The following CREG2 variants were observed in gnomAD, a reference collection of about 807,000 sequenced individuals.
CREG2 encodes the protein cellular repressor of E1A stimulated genes 2.
Under a neutral mutation model 26.2 loss-of-function variants are expected in CREG2, and 24 were observed. That is an observed-to-expected ratio of 0.92 (90% CI 0.66 to 1.29). The LOEUF is 1.29. Ranked by LOEUF, CREG2 falls within the 50% of genes most tolerant of loss-of-function variation. The pLI is 0.00. For missense variants in CREG2, 366 were observed against 398.6 expected, an observed-to-expected ratio of 0.92 and a Z score of 0.70; for synonymous variants, 174 against 169.2, an observed-to-expected ratio of 1.03 and a Z score of -0.22.
chr2:101,373,280 A>G (rs1319425452), intron 2 of CREG2, among the ~76,000 whole-genome samples: 1 of 152,252 alleles, frequency 6.6e-6, no homozygotes, highest in Non-Finnish European at 1.5e-5. Flanking sequence ...ATGGAATATT[A>G]CTCAGCCATA....
At chr2:101,379,394 A>G (rs1684836549) in intron 2 of CREG2, among the ~76,000 whole-genome samples, 1 of 152,206 alleles carries the variant, frequency 6.6e-6, no homozygotes, top group South Asian at 2.1e-4. Flanking sequence ...TTCTCAAGAT[A>G]TTGGCTTCTC....
rs72988786 is a variant in CREG2 at position 101,365,441 on chromosome 2, A to G, written c.612-10075T>C. 3.8e-3 allele frequency among the ~76,000 whole-genome samples: 572 copies of G among 152,286 alleles called. 4 individuals carry two copies. Among genetic ancestry groups the G allele is most frequent in the African/African-American group, 0.012 (492 of 41,548 alleles). ...CATCCTCCTAGGGATGCTATCCACA[A>G]TAGTTCCCTGATTCATCATCACAGG... On this transcript the variant is annotated intron_variant, in intron 2 of 3. Transcript: ENST00000324768.
intron 2 of CREG2, among the ~76,000 whole-genome samples, chr2:101,371,549 C>G (rs775819713): frequency 6.6e-6 from 1 of 152,204 alleles, no homozygotes; most frequent in Non-Finnish European, 1.5e-5. Flanking sequence ...ATTCTCAGCC[C>G]CTCAGCCTCC....
rs574867680 is a variant in CREG2, at chr2:101,351,989, G to A, written c.726-919C>T. Reference sequence around the variant, plus strand: ...CAGCCTCGATCTCCTGGGCTCAAGCGATCCTCCTGCCTCAGCCTCATGAGT... The same window carrying A: ...CAGCCTCGATCTCCTGGGCTCAAGCAATCCTCCTGCCTCAGCCTCATGAGT... On this transcript the variant is annotated intron_variant, in intron 3 of 3. Coordinates refer to ENST00000324768, the MANE Select transcript of CREG2 (RefSeq NM_153836.4). 8.2e-4 allele frequency among the ~76,000 whole-genome samples: 124 copies of A among 151,960 alleles called. 1 individual carries two copies. Among genetic ancestry groups the A allele is most frequent in the African/African-American group, 2.9e-3 (119 of 41,446 alleles).
intron 2 of CREG2, among the ~76,000 whole-genome samples, chr2:101,376,385 C>T (rs892263538): frequency 6.6e-6 from 1 of 151,930 alleles, no homozygotes; most frequent in Non-Finnish European, 1.5e-5. Flanking sequence ...TCAAGCGATT[C>T]TCATGCCTCA....
chr2:101,361,247 CT>C (rs1684535341), intron 2 of CREG2, among the ~76,000 whole-genome samples: 1 of 152,244 alleles, frequency 6.6e-6, no homozygotes. Flanking sequence ...CTTGGTATCA[CT>C]TCCTTCTACA....
chr2:101,368,985 G>A (rs1248414605), intron 2 of CREG2, among the ~76,000 whole-genome samples: 3 of 152,234 alleles, frequency 2.0e-5, no homozygotes, highest in African/African-American at 7.2e-5. Context: ...ACTGGGACCA[G>A]GATAAAGACA....
At chr2:101,372,139 C>G (rs1222938433) in intron 2 of CREG2, among the ~76,000 whole-genome samples, 1 of 151,954 alleles carries the variant, frequency 6.6e-6, no homozygotes, top group African/African-American at 2.4e-5. Context: ...ACTCAGCTCC[C>G]CTATTGTGGA....
Position 101,387,413 on chromosome 2 carries a change from G to T in CREG2, c.45C>A (p.Arg15=). Residue 15 remains arginine (R), a synonymous_variant, in exon 1 of 4, where the codon CGC becomes CGA. Transcript: ENST00000324768. This position sits in a 1 kb window ranked among gnomAD's most constrained non-coding sequence, Gnocchi z 4.7. ...RGRRPARPGT[R]LSWLLCCSAL... Reference sequence around the variant, plus strand: ...CGCTGCAGCACAGCAGCCAGGAGAGGCGGGTCCCCGGCCGCGCCGGCCGCC... The same window carrying T: ...CGCTGCAGCACAGCAGCCAGGAGAGTCGGGTCCCCGGCCGCGCCGGCCGCC... 7.6e-7 allele frequency: 1 copy of T among 1,311,348 alleles called. No homozygotes were observed. The highest frequency in any genetic ancestry group is 9.8e-7 in the Non-Finnish European group (1 of 1,023,430). The allele number at this position is 1,311,348 out of a possible 1,614,324, so 81.2% of individuals were successfully genotyped here. A position where few individuals can be genotyped will look rare whatever the true frequency, so the allele number is the denominator to read the frequency against.
chr2:101,370,605 G>C (rs1433404419), intron 2 of CREG2, among the ~76,000 whole-genome samples: 2 of 152,202 alleles, frequency 1.3e-5, no homozygotes, highest in African/African-American at 4.8e-5. Flanking sequence ...TGGATCAGGA[G>C]TACTCTGGCT....
chr2:101,375,938 T>A (rs1684783056), intron 2 of CREG2: 1 of 166,686 alleles, frequency 6.0e-6, no homozygotes, highest in Non-Finnish European at 1.3e-5. Context: ...GGGGTGGATC[T>A]CAGAAGGCTG....
intron 3 of CREG2, among the ~76,000 whole-genome samples, chr2:101,353,224 T>A (rs1684409052): frequency 6.6e-6 from 1 of 152,276 alleles, no homozygotes; most frequent in Non-Finnish European, 1.5e-5. Context: ...TGCTCTCTGA[T>A]GATAGCTTCT....
At chr2:101,361,435 G>A (rs901868014) in intron 2 of CREG2, among the ~76,000 whole-genome samples, 8 of 152,338 alleles carry the variant, frequency 5.3e-5, no homozygotes, top group Middle Eastern at 3.4e-3. Context: ...TCATTAAGTG[G>A]AAAGCGTTGA....
At chr2:101,379,414 G>T (rs1004550468) in intron 2 of CREG2, among the ~76,000 whole-genome samples, 5 of 152,188 alleles carry the variant, frequency 3.3e-5, no homozygotes, top group African/African-American at 9.7e-5. Flanking sequence ...CACGGCTGTG[G>T]TTAAGGAAAT....
At chr2:101,374,630 T>G (rs555643134) in intron 2 of CREG2, among the ~76,000 whole-genome samples, 17 of 152,258 alleles carry the variant, frequency 1.1e-4, no homozygotes, top group Non-Finnish European at 2.2e-4. Flanking sequence ...AGATACGTCT[T>G]GGCTCTTAGC....
intron 3 of CREG2, among the ~76,000 whole-genome samples, chr2:101,351,727 T>C (rs1264225873): frequency 6.6e-6 from 1 of 152,148 alleles, no homozygotes; most frequent in Non-Finnish European, 1.5e-5. Flanking sequence ...TGCAGTATCG[T>C]TGAGGGCAGG....
intron 2 of CREG2, among the ~76,000 whole-genome samples, chr2:101,371,565 T>C (rs1227552886): frequency 6.6e-6 from 1 of 152,214 alleles, no homozygotes; most frequent in Admixed American, 6.5e-5. Flanking sequence ...CCTCCTAGTC[T>C]GAACGATGAA....
At chr2:101,383,217 G>T in intron 2 of CREG2, 1 of 365,124 alleles carries the variant, frequency 2.7e-6, no homozygotes, top group African/African-American at 2.1e-5. Context: ...ATAACAACAG[G>T]AGCTGTCTGG....
At position 101,387,015 on chromosome 2, in the gene CREG2, A is replaced by G; in HGVS notation, c.441+2T>C. On this transcript the variant is annotated splice_donor_variant, in intron 1 of 3. Coordinates refer to ENST00000324768, the MANE Select transcript of CREG2 (RefSeq NM_153836.4). LOFTEE classifies it high-confidence loss of function. This position sits in a 1 kb window ranked among gnomAD's most constrained non-coding sequence, Gnocchi z 4.7. ...CCCTCGCGCTCCCCGCCGGGCGCTC[A>G]CCTTCTTGTGGGTGGACACGGTGGC... 1.6e-6 allele frequency: 2 copies of G among 1,231,544 alleles called. No homozygotes were observed. The highest frequency in any genetic ancestry group is 1.6e-5 in the African/African-American group (1 of 64,230). The allele number at this position is 1,231,544 out of a possible 1,614,324, so 76.3% of individuals were successfully genotyped here.
Sources: gnomAD v4.1 joint callset for allele counts (sites outside exome capture counted in the v4.1 genomes callset) on GRCh38, gnomAD v4.1.1 for gene constraint, Gnocchi (gnomAD v3.1) non-coding constraint, MANE v1.5 for transcripts, NCBI Gene and HGNC (gene_info 2026-07-23, HGNC 2026-07-21) for gene names.